ECT2L: variants seen among roughly 807,000 people sequenced by gnomAD.
ECT2L encodes the protein epithelial cell transforming 2 like.
Under a neutral mutation model 122.8 loss-of-function variants are expected in ECT2L, and 126 were observed. That is an observed-to-expected ratio of 1.03 (90% CI 0.89 to 1.19). The LOEUF is 1.19. ECT2L is among the 50% of genes most tolerant of loss of function. ECT2L has a pLI of 0.00. For missense variants in ECT2L, 1,012 were observed against 1,064.1 expected (o/e 0.95, Z 0.68); for synonymous variants, 385 against 381.8 (o/e 1.01, Z -0.10).
At chr6:138,825,969 C>T (rs1469016970) in intron 4 of ECT2L, among the ~76,000 whole-genome samples, 2 of 152,200 alleles carry the variant, frequency 1.3e-5, no homozygotes, top group Non-Finnish European at 2.9e-5. Context: ...TAGTCAACGA[C>T]TCCCACAATA....
At chr6:138,864,425 T>C (rs530417588) in intron 11 of ECT2L, among the ~76,000 whole-genome samples, 4 of 152,274 alleles carry the variant, frequency 2.6e-5, no homozygotes, top group African/African-American at 9.6e-5. Flanking sequence ...AAAATCAAAT[T>C]TAACACACCA....
At chr6:138,804,814 G>A (rs6910623) in intron 1 of ECT2L, among the ~76,000 whole-genome samples, 80,483 of 151,998 alleles carry the variant, frequency 0.53, 22,273 homozygotes, top group East Asian at 0.73. Flanking sequence ...GGTACTTAGT[G>A]GTACTTGATG....
chr6:138,797,651 A>C (rs1775390036), intron 1 of ECT2L, among the ~76,000 whole-genome samples: 1 of 151,952 alleles, frequency 6.6e-6, no homozygotes, highest in Non-Finnish European at 1.5e-5. Flanking sequence ...GAGGAAAAAA[A>C]AAACAAAAAA....
At chr6:138,889,194 T>C (rs1778933414) in intron 20 of ECT2L, among the ~76,000 whole-genome samples, 163 bp downstream of exon 20, 1 of 152,222 alleles carries the variant, frequency 6.6e-6, no homozygotes, top group African/African-American at 2.4e-5. Context: ...TCTGAGATAG[T>C]GTAGGGTATT....
At chr6:138,847,409 C>T (rs1200381684) in intron 8 of ECT2L, among the ~76,000 whole-genome samples, 3 of 102,298 alleles carry the variant, frequency 2.9e-5, no homozygotes, top group Non-Finnish European at 5.2e-5. Flanking sequence ...CTCACTCTGT[C>T]GCCCAGGCTG....
intron 1 of ECT2L, among the ~76,000 whole-genome samples, chr6:138,810,290 G>A (rs572983098): frequency 6.6e-6 from 1 of 152,316 alleles, no homozygotes; most frequent in African/African-American, 2.4e-5. Context: ...AATAAATGAT[G>A]CTGAAAACTA....
At chr6:138,897,790 C>T (rs78784355) in intron 20 of ECT2L, among the ~76,000 whole-genome samples, 2,900 of 152,244 alleles carry the variant, frequency 0.019, 87 homozygotes, top group African/African-American at 0.066. Flanking sequence ...GTGGCTGCTC[C>T]ATCCCTTCCC....
chr6:138,868,265 T>C lies in ECT2L; in HGVS notation c.1578+59T>C, dbSNP rs1012639730. 55 of 1,475,364 alleles carry C rather than the reference T, an allele frequency of 3.7e-5. No homozygotes were observed. The Admixed American group carries it at 7.0e-4, about 19-fold the overall frequency. The allele number at this position is 1,475,364 out of a possible 1,614,324, so 91.4% of individuals were successfully genotyped here. ...AACCAACATTTAAATAAATTCTGTT[T>C]GCAGTTATTATTAATTTTTTTGACC... On this transcript the variant is annotated intron_variant, in intron 13 of 21. Coordinates refer to ENST00000541398, the MANE Select transcript of ECT2L (RefSeq NM_001077706.3).
At chr6:138,863,048 A>C (rs941202425) in intron 11 of ECT2L, among the ~76,000 whole-genome samples, 3 of 152,218 alleles carry the variant, frequency 2.0e-5, no homozygotes, top group Non-Finnish European at 4.4e-5. Context: ...ACATATATAT[A>C]GTCAATATGG....
chr6:138,896,837 G>C (rs538691824), intron 20 of ECT2L, among the ~76,000 whole-genome samples: 1 of 152,148 alleles, frequency 6.6e-6, no homozygotes, highest in South Asian at 2.1e-4. Flanking sequence ...TAGTAGAGAC[G>C]GGGTTTCGCC....
At chr6:138,883,640 C>A (rs1778715175) in intron 16 of ECT2L, among the ~76,000 whole-genome samples, 1 of 152,312 alleles carries the variant, frequency 6.6e-6, no homozygotes, top group Admixed American at 6.5e-5. Flanking sequence ...CCTTCTACCC[C>A]ACCCAGGGAG....
At chr6:138,892,606 G>A (rs1297503815) in intron 20 of ECT2L, among the ~76,000 whole-genome samples, 4 of 152,088 alleles carry the variant, frequency 2.6e-5, no homozygotes, top group Non-Finnish European at 5.9e-5. Context: ...CAATTCTCCT[G>A]CCTCAGGCTT....
intron 4 of ECT2L, 97 bp downstream of exon 4, chr6:138,814,700 GA>G (rs1001714840): frequency 6.1e-5 from 41 of 672,396 alleles, no homozygotes; most frequent in African/African-American, 1.3e-4. Flanking sequence ...TTCCTAGGGA[GA>G]AAAAAAAACA....
chr6:138,821,960 G>A (rs1200491724), intron 4 of ECT2L, among the ~76,000 whole-genome samples: 1 of 152,154 alleles, frequency 6.6e-6, no homozygotes, highest in Non-Finnish European at 1.5e-5. Context: ...AAAGACACAG[G>A]GACTGACTGT....
chr6:138,896,185 C>T (rs1285856038), intron 20 of ECT2L, among the ~76,000 whole-genome samples: 1 of 150,812 alleles, frequency 6.6e-6, no homozygotes, highest in Non-Finnish European at 1.5e-5. Context: ...CCCAACTCGG[C>T]CTCCCAAAGT....
chr6:138,827,098 C>T (rs1015617688), intron 4 of ECT2L, among the ~76,000 whole-genome samples: 1 of 152,140 alleles, frequency 6.6e-6, no homozygotes. Flanking sequence ...CCTGTAATCC[C>T]AGCACTTTGG....
intron 19 of ECT2L, among the ~76,000 whole-genome samples, chr6:138,887,402 A>G (rs1045491426): frequency 3.3e-5 from 5 of 151,328 alleles, no homozygotes; most frequent in African/African-American, 1.2e-4. Context: ...AATTTTTTGT[A>G]TTTTTAGTAG....
At chr6:138,871,818 C>T (rs577321777) in intron 13 of ECT2L, among the ~76,000 whole-genome samples, 1 of 149,268 alleles carries the variant, frequency 6.7e-6, no homozygotes, top group Non-Finnish European at 1.5e-5. Context: ...AACAAACAAA[C>T]AAAAAAAAAC....
chr6:138,885,416 C>A, intron 16 of ECT2L, 90 bp from the exon 17 acceptor site: 1 of 1,301,260 alleles, frequency 7.7e-7, no homozygotes, highest in Non-Finnish European at 1.1e-6. Flanking sequence ...CCTTTTGCTT[C>A]AGGCATTCCA....
Sources: allele counts gnomAD v4.1 joint callset (sites outside exome capture counted in the v4.1 genomes callset), GRCh38; gene constraint gnomAD v4.1.1; transcripts MANE v1.5; gene names NCBI Gene and HGNC (gene_info 2026-07-23, HGNC 2026-07-21).